Variants in GRID2 observed in about 807,000 individuals in gnomAD.
GRID2 encodes glutamate receptor ionotropic, delta-2.
GRID2 carries 33 observed loss-of-function variants against 114.8 expected under a neutral mutation model. The observed-to-expected ratio is 0.29, with a 90% CI of 0.22 to 0.38. GRID2 has a LOEUF of 0.38. GRID2 is among the 10% of genes least tolerant of loss of function. The probability of loss-of-function intolerance (pLI) is 1.00; values close to 1 mark genes in which losing one functional copy is unlikely to be tolerated. For synonymous variants in GRID2, 505 were observed against 449.9 expected (o/e 1.12, Z -1.55); for missense variants, 1,184 against 1,257.7 (o/e 0.94, Z 0.89).
At chr4:92,458,246 T>A (rs1721314746) in intron 1 of GRID2, among the ~76,000 whole-genome samples, 1 of 152,144 alleles carries the variant, frequency 6.6e-6, no homozygotes, top group Non-Finnish European at 1.5e-5. Context: ...ATAGGCACGG[T>A]GAGAACAAAA....
At chr4:93,785,006 A>C (rs1045290836) in intron 1 of GRID2, among the ~76,000 whole-genome samples, 3 of 152,208 alleles carry the variant, frequency 2.0e-5, no homozygotes, top group Non-Finnish European at 4.4e-5. Context: ...TTGAAAGAGA[A>C]TGTACAATTT....
At chr4:93,293,401 A>T (rs1313770380) in intron 8 of GRID2, among the ~76,000 whole-genome samples, 6 of 152,226 alleles carry the variant, frequency 3.9e-5, no homozygotes, top group African/African-American at 7.2e-5. Context: ...GAAGTTAATT[A>T]TAAAAATGTT....
intron 2 of GRID2, among the ~76,000 whole-genome samples, chr4:92,949,156 G>T (rs199991603): frequency 6.6e-6 from 1 of 151,612 alleles, no homozygotes; most frequent in African/African-American, 2.4e-5. Context: ...GTGTGTCTGT[G>T]TGTGTGTGTG....
chr4:93,134,642 C>A (rs550502330), intron 4 of GRID2, among the ~76,000 whole-genome samples: 8 of 151,710 alleles, frequency 5.3e-5, no homozygotes, highest in Non-Finnish European at 1.0e-4. Context: ...TTTTTTTTTA[C>A]CTTTATGCAA....
At chr4:93,454,174 A>G (rs999034543) in intron 10 of GRID2, among the ~76,000 whole-genome samples, 1 of 152,032 alleles carries the variant, frequency 6.6e-6, no homozygotes, top group African/African-American at 2.4e-5. Context: ...GATCCATGGT[A>G]CGTATACTAA....
chr4:92,497,750 A>G (rs1393299936), intron 1 of GRID2, among the ~76,000 whole-genome samples: 2 of 151,868 alleles, frequency 1.3e-5, no homozygotes, highest in African/African-American at 2.4e-5. Flanking sequence ...CTTCCAGCAC[A>G]TATTTGAATT....
chr4:92,551,253 C>CGTGTGTGTGT (rs1726569267), intron 1 of GRID2, among the ~76,000 whole-genome samples: 1 of 119,318 alleles, frequency 8.4e-6, no homozygotes, highest in African/African-American at 3.1e-5. Context: ...TACATCTACA[C>CGTGTGTGTGT]CTGTGTGTGT....
In GRID2 at chr4:92,434,432, C is replaced by T. The variant is rs562474316; in HGVS notation, c.88+129688C>T. 3.9e-5 allele frequency among the ~76,000 whole-genome samples: 6 copies of T among 152,214 alleles called. No homozygotes were observed. The East Asian group carries it at 5.8e-4, about 15-fold the overall frequency. On this transcript the variant is annotated intron_variant, in intron 1 of 15. Transcript: ENST00000282020. ...GTTAAACATAACCTAACAATGCATT[C>T]GGAATTCTGCTGTTTTCCTTGCGCC...
intron 13 of GRID2, among the ~76,000 whole-genome samples, chr4:93,612,015 A>T (rs371779335): frequency 1.3e-5 from 2 of 151,272 alleles, no homozygotes; most frequent in Admixed American, 6.6e-5. Context: ...TGGGTGCATA[A>T]ATATTTAGGA....
intron 2 of GRID2, among the ~76,000 whole-genome samples, chr4:93,056,051 T>C (rs1308349588): frequency 6.6e-6 from 1 of 151,930 alleles, no homozygotes. Flanking sequence ...AGGTCCCACA[T>C]AGGTTTCTGT....
intron 2 of GRID2, among the ~76,000 whole-genome samples, chr4:92,671,271 GAAC>G (rs1733056596): frequency 6.6e-6 from 1 of 151,832 alleles, no homozygotes; most frequent in South Asian, 2.1e-4. Flanking sequence ...ACTATCATGA[GAAC>G]AACAAGGGGG....
chr4:93,560,522 C>T lies in GRID2; in HGVS notation c.2193+45111C>T, dbSNP rs140454516. Among the ~76,000 whole-genome samples the T allele has an allele frequency of 2.0e-5, 3 of 152,216 alleles. No homozygotes were observed. The East Asian group carries it at 5.8e-4, about 29-fold the overall frequency. On this transcript the variant is annotated intron_variant, in intron 13 of 15. Coordinates refer to ENST00000282020, the MANE Select transcript of GRID2 (RefSeq NM_001510.4). ...ACCAAGAGGATGGTGCTAGCTAAGC[C>T]ATTCATGAGGGAAAAGCCCATGATC... is the stretch of plus-strand genomic sequence containing the variant.
intron 13 of GRID2, among the ~76,000 whole-genome samples, chr4:93,527,683 T>G (rs988500595): frequency 2.0e-5 from 3 of 152,126 alleles, no homozygotes; most frequent in African/African-American, 4.8e-5. Context: ...AAATTTTAAA[T>G]TTTATTTATT....
intron 2 of GRID2, among the ~76,000 whole-genome samples, chr4:92,662,574 A>T (rs2149270104): frequency 6.6e-6 from 1 of 151,172 alleles, no homozygotes; most frequent in South Asian, 2.1e-4. Context: ...CTACTTTGCA[A>T]ACCAGGGATA....
intron 4 of GRID2, among the ~76,000 whole-genome samples, chr4:93,193,890 C>T (rs866172013): frequency 6.6e-6 from 1 of 152,146 alleles, no homozygotes; most frequent in South Asian, 2.1e-4. Flanking sequence ...GCATTTATGG[C>T]CTCAACTCTA....
chr4:92,375,442 C>A (rs139700244), intron 1 of GRID2, among the ~76,000 whole-genome samples: 1 of 151,986 alleles, frequency 6.6e-6, no homozygotes, highest in South Asian at 2.1e-4. Context: ...ATTATAGTAT[C>A]CTCTACAAAA....
chr4:92,573,595 G>T (rs1018380950), intron 1 of GRID2, among the ~76,000 whole-genome samples: 2 of 152,282 alleles, frequency 1.3e-5, no homozygotes, highest in East Asian at 3.9e-4. Flanking sequence ...GGAGCAGGTT[G>T]TTCAATTTCC....
intron 14 of GRID2, among the ~76,000 whole-genome samples, chr4:93,644,680 T>C (rs974529748): frequency 2.6e-5 from 4 of 152,138 alleles, no homozygotes; most frequent in Admixed American, 2.6e-4. Flanking sequence ...GTGCAGAAAT[T>C]TGCCAAACAA....
intron 14 of GRID2, among the ~76,000 whole-genome samples, chr4:93,671,969 T>C (rs571749150): frequency 1.0e-3 from 157 of 152,080 alleles, no homozygotes; most frequent in African/African-American, 3.7e-3. Context: ...AGCAAGACTC[T>C]GTCTCAAAAA....
Sources: gnomAD v4.1 joint callset for allele counts (sites outside exome capture counted in the v4.1 genomes callset) on GRCh38, gnomAD v4.1.1 for gene constraint, MANE v1.5 for transcripts, NCBI Gene and HGNC (gene_info 2026-07-23, HGNC 2026-07-21) for gene names.